The following PHACTR1 variants were observed in gnomAD, a reference collection of about 807,000 sequenced individuals.
PHACTR1 encodes phosphatase and actin regulator 1, also known as RPEL repeat containing 1.
A neutral mutation model predicts 69.2 loss-of-function variants in PHACTR1; 16 were observed. That is an observed-to-expected ratio of 0.23 (90% CI 0.16 to 0.35). The LOEUF is 0.35. PHACTR1 is among the 10% of genes least tolerant of loss of function. PHACTR1 has a pLI of 1.00. For synonymous variants in PHACTR1, 312 were observed against 284.5 expected, an observed-to-expected ratio of 1.10 and a Z score of -0.97; for missense variants, 510 against 734.7, an observed-to-expected ratio of 0.69 and a Z score of 3.54.
chr6:13,123,876 TG>T (rs1209950708), intron 5 of PHACTR1, among the ~76,000 whole-genome samples: 1 of 152,120 alleles, frequency 6.6e-6, no homozygotes, highest in Non-Finnish European at 1.5e-5. Flanking sequence ...AGGCAGAGGC[TG>T]GGGACACAGG....
At chr6:12,894,180 A>C (rs1349356166) in intron 4 of PHACTR1, among the ~76,000 whole-genome samples, 2 of 152,246 alleles carry the variant, frequency 1.3e-5, no homozygotes, top group African/African-American at 4.8e-5. Flanking sequence ...CTAATATCTC[A>C]AGTACTTACA....
At chr6:12,906,740 A>G (rs187980538) in intron 4 of PHACTR1, among the ~76,000 whole-genome samples, 2 of 152,332 alleles carry the variant, frequency 1.3e-5, no homozygotes, top group East Asian at 3.9e-4. Flanking sequence ...AATACACTTC[A>G]TGACCTTTGA....
intron 4 of PHACTR1, among the ~76,000 whole-genome samples, chr6:12,859,900 G>A (rs1780768461): frequency 1.3e-5 from 2 of 152,106 alleles, no homozygotes; most frequent in Admixed American, 6.6e-5. Flanking sequence ...TCTGCAGAAG[G>A]TTTTTAGAGC....
Position 12,836,030 on chromosome 6 carries a change from A to G in PHACTR1, c.250+86240A>G, listed in dbSNP as rs1270509870. 3.3e-5 allele frequency among the ~76,000 whole-genome samples: 5 copies of G among 152,322 alleles called. No homozygotes were observed. In the East Asian group the frequency reaches 7.7e-4, roughly 23 times the overall value. ...GTTTCCTTATAAAATCCTGTAAAAC[A>G]TAATGGCCTTTTATTTAAAACCACA... On this transcript the variant is annotated intron_variant, in intron 4 of 14. Transcript: ENST00000332995.
chr6:12,948,400 GC>G (rs1373640182), intron 4 of PHACTR1, among the ~76,000 whole-genome samples: 5 of 152,298 alleles, frequency 3.3e-5, no homozygotes, highest in African/African-American at 1.2e-4. Context: ...GGCCTTAAGA[GC>G]AAAACCCATC....
At chr6:12,732,248 G>A (rs988856735) in intron 3 of PHACTR1, among the ~76,000 whole-genome samples, 4 of 151,960 alleles carry the variant, frequency 2.6e-5, no homozygotes, top group Admixed American at 1.3e-4. Flanking sequence ...CTAAAAATAG[G>A]TATTCTTTAC....
chr6:12,852,297 A>G (rs1779911568), intron 4 of PHACTR1, among the ~76,000 whole-genome samples: 1 of 152,190 alleles, frequency 6.6e-6, no homozygotes, highest in African/African-American at 2.4e-5. Context: ...TCCCTATCCT[A>G]TAAAAACAAA....
chr6:12,748,600 C>A (rs1341401470), intron 3 of PHACTR1, among the ~76,000 whole-genome samples: 2 of 152,188 alleles, frequency 1.3e-5, no homozygotes, highest in African/African-American at 4.8e-5. Context: ...TTTCTAGGTT[C>A]TTCTGCTGTG....
intron 4 of PHACTR1, among the ~76,000 whole-genome samples, chr6:12,898,460 A>C (rs1373083733): frequency 6.6e-6 from 1 of 152,172 alleles, no homozygotes; most frequent in Non-Finnish European, 1.5e-5. Flanking sequence ...TCCTGTCTCC[A>C]TCAGCAGCAA....
intron 11 of PHACTR1, chr6:13,278,032 T>A: frequency 3.1e-6 from 1 of 317,868 alleles, no homozygotes; most frequent in Non-Finnish European, 6.1e-6. Context: ...AAACCCCATG[T>A]GATGTAAAGA....
chr6:13,104,721 T>G (rs1815801680), intron 5 of PHACTR1, among the ~76,000 whole-genome samples: 1 of 152,206 alleles, frequency 6.6e-6, no homozygotes, highest in Non-Finnish European at 1.5e-5. Context: ...TGTGGTAGAT[T>G]ATGTCCACTT....
At chr6:13,081,903 C>G (rs1022793375) in intron 5 of PHACTR1, among the ~76,000 whole-genome samples, 1 of 152,148 alleles carries the variant, frequency 6.6e-6, no homozygotes, top group Admixed American at 6.6e-5. Context: ...ACTTCATTTA[C>G]GAGAATTTAG....
intron 5 of PHACTR1, among the ~76,000 whole-genome samples, chr6:13,108,905 A>C (rs1477956153): frequency 3.3e-5 from 5 of 151,562 alleles, no homozygotes. Context: ...CCATCTTTTG[A>C]TTTGAGTTTT....
At position 13,108,450 on chromosome 6, in the gene PHACTR1, T is replaced by A. The variant is rs144968174; in HGVS notation, c.416-51754T>A. Among the ~76,000 whole-genome samples, 77 of 152,230 alleles carry A rather than the reference T, an allele frequency of 5.1e-4. No homozygotes were observed. In the Middle Eastern group the frequency reaches 0.014, roughly 27 times the overall value. On this transcript the variant is annotated intron_variant, in intron 5 of 14. Coordinates refer to ENST00000332995, the MANE Select transcript of PHACTR1 (RefSeq NM_030948.6). ...ATTACTGTGTCTTTGTCTACTTTCCTAGAAAATACTGAAAATTTCTCAGTA... is the reference window on the plus strand; with the variant it reads ...ATTACTGTGTCTTTGTCTACTTTCCAAGAAAATACTGAAAATTTCTCAGTA...
chr6:13,255,097 T>C (rs1206176160), intron 10 of PHACTR1, among the ~76,000 whole-genome samples: 1 of 152,186 alleles, frequency 6.6e-6, no homozygotes, highest in Non-Finnish European at 1.5e-5. Context: ...GGCTTCTGCT[T>C]CTGGGGAGGC....
At chr6:13,140,311 A>G (rs899945976) in intron 5 of PHACTR1, among the ~76,000 whole-genome samples, 1 of 152,006 alleles carries the variant, frequency 6.6e-6, no homozygotes, top group African/African-American at 2.4e-5. Context: ...TGAAAACAGT[A>G]TCTCGGAGAG....
intron 4 of PHACTR1, among the ~76,000 whole-genome samples, chr6:12,987,911 T>C (rs1044390147): frequency 6.6e-5 from 10 of 152,196 alleles, no homozygotes; most frequent in African/African-American, 2.4e-4. Flanking sequence ...CAGTCCCCAC[T>C]ATGACTGCAT....
intron 8 of PHACTR1, among the ~76,000 whole-genome samples, chr6:13,220,244 T>C (rs1768397507): frequency 6.6e-6 from 1 of 152,198 alleles, no homozygotes; most frequent in African/African-American, 2.4e-5. Flanking sequence ...CTGTCCAACA[T>C]CTTGTGAATA....
Position 13,047,377 on chromosome 6 carries a change from CAAAAA to C in PHACTR1, c.251-5967_251-5963del, listed in dbSNP as rs35293642. Reference sequence around the variant, plus strand: ...TGGGTGACAGAGCAAAACCCTGTCTCAAAAAAAAAAAAAAAAAAAAAAAAAGGCAG... The same window carrying C: ...TGGGTGACAGAGCAAAACCCTGTCTCAAAAAAAAAAAAAAAAAAAAGGCAG... On this transcript the variant is annotated intron_variant, in intron 4 of 14. Transcript: ENST00000332995. 3.0e-3 allele frequency among the ~76,000 whole-genome samples: 166 copies of C among 54,786 alleles called. 1 individual carries two copies. Among genetic ancestry groups the C allele is most frequent in the African/African-American group, 8.6e-3 (154 of 18,006 alleles). The allele number at this position is 54,786 out of a possible 152,430, so 35.9% of individuals were successfully genotyped here. A position where few individuals can be genotyped will look rare whatever the true frequency, so the allele number is the denominator to read the frequency against.
Sources: gnomAD v4.1 joint callset for allele counts (sites outside exome capture counted in the v4.1 genomes callset) on GRCh38, gnomAD v4.1.1 for gene constraint, MANE v1.5 for transcripts, NCBI Gene and HGNC (gene_info 2026-07-23, HGNC 2026-07-21) for gene names.